Variants in RANBP2 observed in about 807,000 individuals in gnomAD.
RANBP2 encodes E3 SUMO-protein ligase RanBP2.
RANBP2 carries 57 observed loss-of-function variants against 303.6 expected under a neutral mutation model. That is an observed-to-expected ratio of 0.19 (90% CI 0.15 to 0.23). The LOEUF is 0.23. Among genes scored for constraint, RANBP2 ranks in the 10% least tolerant of loss-of-function variants. RANBP2 has a pLI of 1.00. For missense variants in RANBP2, 3,138 were observed against 3,780.8 expected (o/e 0.83, Z 4.46); for synonymous variants, 1,167 against 1,301.5 (o/e 0.90, Z 2.23).
At chr2:108,859,982 T>C in the RANBP2 span, among the ~76,000 whole-genome samples, 2 of 152,146 alleles carry the variant, frequency 1.3e-5, no homozygotes, top group African/African-American at 2.4e-5. Flanking sequence ...TTTCCTTTAG[T>C]AGTGTTTTAT....
chr2:109,673,723 G>A, the RANBP2 span, among the ~76,000 whole-genome samples: 1 of 152,076 alleles, frequency 6.6e-6, no homozygotes, highest in Non-Finnish European at 1.5e-5. Context: ...AATTAGCTGG[G>A]CAAGGTGGTG....
At chr2:109,614,971 T>TGCA in the RANBP2 span, 1 of 1,537,286 alleles carries the variant, frequency 6.5e-7, no homozygotes, top group Non-Finnish European at 8.7e-7. Flanking sequence ...CGGCGCGACG[T>TGCA]GCAGCCCCTA....
At chr2:108,952,401 C>A in the RANBP2 span, among the ~76,000 whole-genome samples, 1 of 152,156 alleles carries the variant, frequency 6.6e-6, no homozygotes, top group Non-Finnish European at 1.5e-5. Context: ...ATAATGAGGA[C>A]ATGATGAAAT....
the RANBP2 span, among the ~76,000 whole-genome samples, chr2:109,133,698 G>A: frequency 1.5e-4 from 22 of 149,818 alleles, no homozygotes; most frequent in Non-Finnish European, 2.7e-4. Context: ...TTCATACATG[G>A]TCATCTTGAT....
chr2:108,992,410 C>T, the RANBP2 span, among the ~76,000 whole-genome samples: 1 of 152,144 alleles, frequency 6.6e-6, no homozygotes, highest in Non-Finnish European at 1.5e-5. Context: ...GCACAGGATG[C>T]CTGGATTATT....
chr2:108,736,986 G>A (rs546575455), intron 6 of RANBP2, among the ~76,000 whole-genome samples: 13 of 143,042 alleles, frequency 9.1e-5, no homozygotes, highest in Non-Finnish European at 1.7e-4. Context: ...TGTAAAGCCA[G>A]ATTAGTATTC....
intron 7 of RANBP2, among the ~76,000 whole-genome samples, chr2:108,741,926 G>T (rs563805263): frequency 6.6e-6 from 1 of 150,770 alleles, no homozygotes; most frequent in African/African-American, 2.5e-5. Context: ...TAATTTTAGA[G>T]AAGGATTTTT....
the RANBP2 span, among the ~76,000 whole-genome samples, chr2:109,176,629 C>T: frequency 6.6e-6 from 1 of 152,212 alleles, no homozygotes; most frequent in East Asian, 1.9e-4. Context: ...CCCAGCAACC[C>T]AGAAGGCTGA....
the RANBP2 span, among the ~76,000 whole-genome samples, chr2:109,259,270 G>A: frequency 6.6e-6 from 1 of 152,226 alleles, no homozygotes; most frequent in African/African-American, 2.4e-5. Flanking sequence ...TGCAGCTGCT[G>A]CTGGCTCCTG....
chr2:109,778,504 G>T, the RANBP2 span, among the ~76,000 whole-genome samples: 4 of 150,042 alleles, frequency 2.7e-5, no homozygotes, highest in Admixed American at 2.7e-4. Context: ...GACAACTCCA[G>T]AAGACCAGCT....
At chr2:108,966,572 A>G in the RANBP2 span, among the ~76,000 whole-genome samples, 3 of 152,240 alleles carry the variant, frequency 2.0e-5, no homozygotes, top group Non-Finnish European at 2.9e-5. Flanking sequence ...TTCTGTCTGG[A>G]CAATAGTCAT....
the RANBP2 span, among the ~76,000 whole-genome samples, chr2:109,356,161 G>A: frequency 6.6e-6 from 1 of 152,088 alleles, no homozygotes; most frequent in Non-Finnish European, 1.5e-5. Context: ...AGTTAATTAT[G>A]GATTTTTAGG....
chr2:109,199,131 G>A, the RANBP2 span, among the ~76,000 whole-genome samples: 5 of 151,816 alleles, frequency 3.3e-5, no homozygotes, highest in Non-Finnish European at 5.9e-5. Flanking sequence ...AGGCTGAGGC[G>A]GGTGGATCAC....
At chr2:109,148,688 G>A in the RANBP2 span, among the ~76,000 whole-genome samples, 1 of 152,226 alleles carries the variant, frequency 6.6e-6, no homozygotes, top group Non-Finnish European at 1.5e-5. Context: ...GCTGAAAAGT[G>A]CATTCATGGC....
At chr2:109,619,630 A>G in the RANBP2 span, among the ~76,000 whole-genome samples, 1 of 152,178 alleles carries the variant, frequency 6.6e-6, no homozygotes, top group Non-Finnish European at 1.5e-5. Flanking sequence ...TAACCCATAA[A>G]ATATTTTTCA....
At chr2:109,106,955 A>T in the RANBP2 span, among the ~76,000 whole-genome samples, 10 of 105,466 alleles carry the variant, frequency 9.5e-5, no homozygotes, top group Non-Finnish European at 1.1e-4. Flanking sequence ...TTTTTTTTTT[A>T]AAGACAGAGT....
chr2:109,414,927 CAT>C, the RANBP2 span, among the ~76,000 whole-genome samples: 10 of 152,324 alleles, frequency 6.6e-5, no homozygotes, highest in African/African-American at 2.2e-4. Context: ...TGTGTCACCT[CAT>C]GTGGCAAACG....
chr2:108,782,343 A>G lies in RANBP2; in HGVS notation c.8976A>G (p.Glu2992=). The G allele has an allele frequency of 1.9e-6, 3 of 1,614,218 alleles. No individual in the cohort carries two copies. Among genetic ancestry groups the G allele is most frequent in the Non-Finnish European group, 2.5e-6 (3 of 1,180,034 alleles). The change falls in exon 27 of 29, where the codon GAA becomes GAG. Residue 2992 remains glutamate, a synonymous_variant. Transcript: ENST00000283195. ...ACCACGTTATTACTAAAACAATGGA[A>G]TTAAAGCCCTTAAATGTTTCAAATA... is the stretch of plus-strand genomic sequence containing the variant. ...CANHVITKTM[E]LKPLNVSNNA...
chr2:109,690,114 AG>A, the RANBP2 span, among the ~76,000 whole-genome samples: 3 of 152,184 alleles, frequency 2.0e-5, no homozygotes, highest in African/African-American at 7.2e-5. Context: ...GACAGGTCTC[AG>A]CCAATTTAGG....
Sources: allele counts gnomAD v4.1 joint callset (sites outside exome capture counted in the v4.1 genomes callset), GRCh38; gene constraint gnomAD v4.1.1; transcripts MANE v1.5; gene names NCBI Gene and HGNC (gene_info 2026-07-23, HGNC 2026-07-21).